The following CNTN4 variants were observed in gnomAD, a reference collection of about 807,000 sequenced individuals.
The protein encoded by CNTN4 is contactin-4.
Under a neutral mutation model 122.5 loss-of-function variants are expected in CNTN4, and 77 were observed. The ratio of observed to expected loss-of-function variants is 0.63; its 90% CI spans 0.52 to 0.76. The LOEUF is 0.76. CNTN4 is among the 30% of genes least tolerant of loss of function. CNTN4 has a pLI of 0.00. For missense variants in CNTN4, 1,256 were observed against 1,259.1 expected (o/e 1.00, Z 0.04); for synonymous variants, 512 against 447.0 (o/e 1.15, Z -1.83).
At chr3:2,110,880 G>A (rs1029439134) in intron 2 of CNTN4, among the ~76,000 whole-genome samples, 1 of 152,082 alleles carries the variant, frequency 6.6e-6, no homozygotes, top group Non-Finnish European at 1.5e-5. Context: ...AACCTGCTTT[G>A]ATAATATTGT....
chr3:2,811,790 C>T (rs953889055), intron 6 of CNTN4, among the ~76,000 whole-genome samples: 7 of 128,330 alleles, frequency 5.5e-5, no homozygotes, highest in Non-Finnish European at 1.0e-4. Flanking sequence ...TCTCAGCCTC[C>T]AGAGCAGCTG....
intron 2 of CNTN4, among the ~76,000 whole-genome samples, chr3:2,223,634 C>G (rs762886165): frequency 6.6e-6 from 1 of 152,182 alleles, no homozygotes; most frequent in Non-Finnish European, 1.5e-5. Context: ...CCTTGGCTGG[C>G]ATCTGGGATC....
In CNTN4 at chr3:2,334,760, T is replaced by C. The variant is rs560452740; in HGVS notation, c.-144-4418T>C. ...CAGGCAAAGTAAAGAGACCACTCTT[T>C]GGTCCCTCCTAATGTTATATGCTAT... is the stretch of plus-strand genomic sequence containing the variant. On this transcript the variant is annotated intron_variant, in intron 2 of 24. Coordinates refer to ENST00000418658, the MANE Select transcript of CNTN4 (RefSeq NM_175607.3). 1.4e-4 allele frequency among the ~76,000 whole-genome samples: 22 copies of C among 152,326 alleles called. 1 individual carries two copies. Among genetic ancestry groups the C allele is most frequent in the East Asian group, 1.2e-3 (6 of 5,184 alleles).
chr3:2,126,491 A>T (rs1020443443), intron 2 of CNTN4, among the ~76,000 whole-genome samples: 2 of 152,204 alleles, frequency 1.3e-5, no homozygotes, highest in Admixed American at 1.3e-4. Context: ...ATAATTAAGA[A>T]ATATTGATTT....
chr3:2,117,764 C>G (rs556659662), intron 2 of CNTN4, among the ~76,000 whole-genome samples: 4 of 152,044 alleles, frequency 2.6e-5, no homozygotes, highest in African/African-American at 9.7e-5. Context: ...TAAAATTTCC[C>G]GGGTGATTTT....
At chr3:2,839,176 G>C (rs1041921705) in intron 7 of CNTN4, among the ~76,000 whole-genome samples, 3 of 152,046 alleles carry the variant, frequency 2.0e-5, no homozygotes, top group South Asian at 4.1e-4. Context: ...TTTTGAAAAC[G>C]TTATTTTTTC....
At chr3:2,816,852 C>A (rs1386520937) in intron 6 of CNTN4, among the ~76,000 whole-genome samples, 1 of 145,410 alleles carries the variant, frequency 6.9e-6, no homozygotes, top group African/African-American at 2.5e-5. Context: ...AGAACTTACC[C>A]ATGTAACCAA....
intron 6 of CNTN4, among the ~76,000 whole-genome samples, chr3:2,788,414 G>T (rs942983809): frequency 6.6e-6 from 1 of 152,172 alleles, no homozygotes; most frequent in African/African-American, 2.4e-5. Flanking sequence ...TGATAAAATA[G>T]AATTTGGAGA....
intron 10 of CNTN4, among the ~76,000 whole-genome samples, chr3:2,889,731 T>G (rs1488433993): frequency 1.3e-5 from 2 of 152,184 alleles, no homozygotes; most frequent in Non-Finnish European, 2.9e-5. Flanking sequence ...ATAAAGTCAT[T>G]TTAACTTTCA....
At chr3:2,565,806 A>G (rs2079133770) in intron 3 of CNTN4, among the ~76,000 whole-genome samples, 1 of 152,158 alleles carries the variant, frequency 6.6e-6, no homozygotes, top group Non-Finnish European at 1.5e-5. Flanking sequence ...CTTCCTCGCC[A>G]TTGTGATTGA....
At chr3:3,051,667 G>A (rs1156571474) in intron 23 of CNTN4, among the ~76,000 whole-genome samples, 14 of 152,134 alleles carry the variant, frequency 9.2e-5, no homozygotes, top group African/African-American at 3.1e-4. Flanking sequence ...CTGATGCTGC[G>A]GAGAAGAAGG....
rs75411017 is a variant in CNTN4, at chr3:2,841,094, C to G, written c.454+21513C>G. On this transcript the variant is annotated intron_variant, in intron 7 of 24. Transcript: ENST00000418658. The surrounding 1 kb of genome is among the most constrained non-coding windows in gnomAD (Gnocchi z 4.8). ...CTTCAAAATCATACATGACTGATACCAATCTCATCATTGGACTAGATTTCT... is the reference window on the plus strand; with the variant it reads ...CTTCAAAATCATACATGACTGATACGAATCTCATCATTGGACTAGATTTCT... Among the ~76,000 whole-genome samples, 536 of 152,188 alleles carry G rather than the reference C, an allele frequency of 3.5e-3. 4 individuals are homozygous for G. The highest frequency in any genetic ancestry group is 0.012 in the African/African-American group (509 of 41,534).
At chr3:2,727,541 G>A (rs1202990857) in intron 4 of CNTN4, among the ~76,000 whole-genome samples, 1 of 152,180 alleles carries the variant, frequency 6.6e-6, no homozygotes, top group Non-Finnish European at 1.5e-5. Context: ...GTCAGAGTAG[G>A]ATACATTGAT....
intron 3 of CNTN4, among the ~76,000 whole-genome samples, chr3:2,373,332 T>A (rs997727658): frequency 6.6e-6 from 1 of 152,242 alleles, no homozygotes; most frequent in Non-Finnish European, 1.5e-5. Context: ...ATAATTACTC[T>A]GCCTGCACCT....
At chr3:2,467,976 C>T (rs952596927) in intron 3 of CNTN4, among the ~76,000 whole-genome samples, 4 of 152,110 alleles carry the variant, frequency 2.6e-5, no homozygotes, top group Non-Finnish European at 4.4e-5. Flanking sequence ...AAGAGAACTT[C>T]GTCATTCTAT....
chr3:2,136,981 C>G (rs77151254), intron 2 of CNTN4, among the ~76,000 whole-genome samples: 2,617 of 152,246 alleles, frequency 0.017, 25 homozygotes, highest in Middle Eastern at 0.071. Flanking sequence ...AAGAAAACAA[C>G]CCACCGTTCT....
intron 2 of CNTN4, among the ~76,000 whole-genome samples, chr3:2,186,491 T>G (rs183457329): frequency 1.3e-5 from 2 of 152,214 alleles, no homozygotes; most frequent in Non-Finnish European, 2.9e-5. Context: ...TTCTAGATCC[T>G]TGAGGAATTG....
chr3:2,235,105 AC>A (rs2039631318), intron 2 of CNTN4, among the ~76,000 whole-genome samples: 1 of 152,176 alleles, frequency 6.6e-6, no homozygotes, highest in South Asian at 2.1e-4. Context: ...GTGGCAGAGA[AC>A]ACCCGTAAGT....
intron 3 of CNTN4, among the ~76,000 whole-genome samples, chr3:2,407,150 C>T (rs1034689902): frequency 9.2e-5 from 14 of 152,116 alleles, no homozygotes; most frequent in African/African-American, 2.7e-4. Flanking sequence ...AAATTTAGCT[C>T]GTGTTATTTT....
Sources: gnomAD v4.1 joint callset for allele counts (sites outside exome capture counted in the v4.1 genomes callset) on GRCh38, gnomAD v4.1.1 for gene constraint, Gnocchi (gnomAD v3.1) non-coding constraint, MANE v1.5 for transcripts, NCBI Gene and HGNC (gene_info 2026-07-23, HGNC 2026-07-21) for gene names.